The following SRSF12 variants were observed in gnomAD, a reference collection of about 807,000 sequenced individuals.
The protein encoded by SRSF12 is serine/arginine-rich splicing factor 12.
SRSF12 carries 21 observed loss-of-function variants against 34.1 expected under a neutral mutation model. The ratio of observed to expected loss-of-function variants is 0.62; its 90% confidence interval spans 0.44 to 0.89. The LOEUF is 0.89. Ranked by LOEUF, SRSF12 falls within the 40% of genes least tolerant of loss-of-function variation. The pLI, the probability that SRSF12 is intolerant of heterozygous loss-of-function variation, is 0.00. For missense variants in SRSF12, 278 were observed against 327.8 expected, an observed-to-expected ratio of 0.85 and a Z score of 1.17; for synonymous variants, 111 against 110.8, an observed-to-expected ratio of 1.00 and a Z score of -0.01.
In SRSF12 at chr6:89,098,758, C is replaced by T. The variant is rs1365650090; in HGVS notation, c.606G>A (p.Lys202=). The change falls in exon 5 of 5, where the codon AAG becomes AAA. Residue 202 remains lysine, a synonymous_variant. Coordinates refer to ENST00000452027, the MANE Select transcript of SRSF12 (RefSeq NM_080743.5). ...IGKSQSSSPQ[K]QTSSGTKSRS... ...TTGATTTTGTTCCTGAGCTAGTCTG[C>T]TTTTGAGGTGAACTTGACTGTGATT... 9.3e-6 allele frequency: 15 copies of T among 1,613,828 alleles called. No homozygotes were observed. The highest frequency in any genetic ancestry group is 1.3e-5 in the Non-Finnish European group (15 of 1,179,894).
chr6:89,105,016 C>G, intron 4 of SRSF12, 103 bp downstream of exon 4: 2 of 1,219,894 alleles, frequency 1.6e-6, no homozygotes, highest in Admixed American at 2.6e-5. Context: ...TGATCGCACA[C>G]TACTGCACTC....
intron 4 of SRSF12, among the ~76,000 whole-genome samples, chr6:89,099,412 A>ACACATATATATATATATG (rs1768407798): frequency 2.3e-5 from 2 of 87,632 alleles, no homozygotes; most frequent in South Asian, 7.5e-4. Context: ...CCATATATAT[A>ACACATATATATATATATG]TACATATATA....
In SRSF12 at chr6:89,097,615, A is replaced by C. The variant is rs904234484; in HGVS notation, c.*963T>G. ...GCAATCTGCCCGCCTCGACCTCCCA[A>C]AGTGCTGGGATTACAGGAGTGAACC... On this transcript the variant is annotated 3_prime_UTR_variant, in exon 5 of 5. Transcript: ENST00000452027. 6.6e-6 allele frequency: 1 copy of C among 152,034 alleles called. No individual in the cohort carries two copies. The highest frequency in any genetic ancestry group is 2.4e-5 in the African/African-American group (1 of 41,386). 9.4% of individuals were successfully genotyped at this position (152,034 alleles called of 1,614,324 possible).
At chr6:89,105,681 A>G (rs1768749398) in intron 2 of SRSF12, 151 bp from the exon 3 acceptor site, 2 of 515,548 alleles carry the variant, frequency 3.9e-6, no homozygotes, top group East Asian at 3.4e-5. Context: ...CAGAAAAAAA[A>G]CTTTCACTTT....
In SRSF12 at chr6:89,105,116, C is replaced by CA. The variant is rs1209353684; in HGVS notation, c.416+2dup. ...ATGAAATTTTCAGTCCTCTTATACT[C>CA]ACTCTTTAAGGCTGTCTGACCGCCT... On this transcript the variant is annotated splice_region_variant and intron_variant, in intron 4 of 4. Coordinates refer to ENST00000452027, the MANE Select transcript of SRSF12 (RefSeq NM_080743.5). 1.9e-6 allele frequency: 3 copies of CA among 1,603,950 alleles called. No homozygotes were observed. Among genetic ancestry groups the CA allele is most frequent in the Non-Finnish European group, 1.7e-6 (2 of 1,174,598 alleles).
At chr6:89,112,832 T>C (rs558340970) in intron 1 of SRSF12, among the ~76,000 whole-genome samples, 1 of 152,228 alleles carries the variant, frequency 6.6e-6, no homozygotes, top group African/African-American at 2.4e-5. Flanking sequence ...CATAATCTTA[T>C]AACAAAGCTG....
chr6:89,105,337 A>G lies in SRSF12; in HGVS notation c.275-77T>C, dbSNP rs2274819. 24,649 of 1,560,214 alleles carry G rather than the reference A, an allele frequency of 0.016. 1,806 individuals are homozygous for G. In the African/African-American group the frequency reaches 0.2, roughly 13 times the overall value. On this transcript the variant is annotated intron_variant, in intron 3 of 4. Coordinates refer to ENST00000452027, the MANE Select transcript of SRSF12 (RefSeq NM_080743.5). ...AGTAACAACCACTCAACTAGCAATCATTTACTGAAAGAATTTTAAATTAAA... is the reference window on the plus strand; with the variant it reads ...AGTAACAACCACTCAACTAGCAATCGTTTACTGAAAGAATTTTAAATTAAA...
chr6:89,113,914 A>C (rs1053699279), intron 1 of SRSF12, among the ~76,000 whole-genome samples: 3 of 152,148 alleles, frequency 2.0e-5, no homozygotes, highest in Non-Finnish European at 4.4e-5. Flanking sequence ...ATGTGCTGGG[A>C]TTACAGGCAT....
At chr6:89,103,702 C>T (rs527388194) in intron 4 of SRSF12, among the ~76,000 whole-genome samples, 73 of 151,954 alleles carry the variant, frequency 4.8e-4, no homozygotes, top group African/African-American at 1.6e-3. Context: ...TCAAGTAATC[C>T]ACCCGCCTTG....
intron 4 of SRSF12, among the ~76,000 whole-genome samples, chr6:89,100,522 T>TAAAAA (rs35086229): frequency 6.9e-6 from 1 of 144,740 alleles, no homozygotes. Context: ...CATGTTATGT[T>TAAAAA]AAAAAAAAAA....
At chr6:89,114,442 A>G (rs1582277644) in intron 1 of SRSF12, among the ~76,000 whole-genome samples, 1 of 152,166 alleles carries the variant, frequency 6.6e-6, no homozygotes, top group Non-Finnish European at 1.5e-5. Context: ...TAAAACAAAC[A>G]AACAAAAAAA....
intron 1 of SRSF12, among the ~76,000 whole-genome samples, chr6:89,113,324 C>A (rs1258384519): frequency 6.6e-6 from 1 of 152,136 alleles, no homozygotes; most frequent in South Asian, 2.1e-4. Flanking sequence ...CAGGCGAGTG[C>A]CACCACGCCC....
chr6:89,099,591 A>G (rs1768444079), intron 4 of SRSF12, among the ~76,000 whole-genome samples: 1 of 147,674 alleles, frequency 6.8e-6, no homozygotes, highest in Admixed American at 6.9e-5. Flanking sequence ...GCTAGAGTGC[A>G]ATGGCACGAT....
intron 4 of SRSF12, among the ~76,000 whole-genome samples, chr6:89,103,991 CTTTTTTTTTT>C (rs55760020): frequency 2.3e-4 from 19 of 81,962 alleles, no homozygotes; most frequent in African/African-American, 8.4e-4. Context: ...TATTATATTT[CTTTTTTTTTT>C]TTTTTTTTTT....
At chr6:89,114,854 TG>T (rs1358981267) in intron 1 of SRSF12, among the ~76,000 whole-genome samples, 2 of 152,152 alleles carry the variant, frequency 1.3e-5, no homozygotes, top group African/African-American at 2.4e-5. Flanking sequence ...TGGAGTGCAA[TG>T]GTACTATCTC....
At chr6:89,099,779 C>T (rs1768454056) in intron 4 of SRSF12, among the ~76,000 whole-genome samples, 1 of 152,056 alleles carries the variant, frequency 6.6e-6, no homozygotes, top group Admixed American at 6.6e-5. Context: ...AGGTTATCCC[C>T]CTGCCTCGGC....
chr6:89,103,331 CTTTT>C (rs554480396), intron 4 of SRSF12, among the ~76,000 whole-genome samples: 1 of 141,384 alleles, frequency 7.1e-6, no homozygotes, highest in Admixed American at 7.1e-5. Context: ...AATTTAAATT[CTTTT>C]TTTTTTTTTT....
At chr6:89,114,743 G>A (rs7775189) in intron 1 of SRSF12, among the ~76,000 whole-genome samples, 26,095 of 152,152 alleles carry the variant, frequency 0.17, 3,017 homozygotes, top group Non-Finnish European at 0.25. Context: ...CCTGCATGAC[G>A]TTTAAACATT....
chr6:89,106,917 G>C (rs1468064122), intron 2 of SRSF12: 1 of 545,898 alleles, frequency 1.8e-6, no homozygotes, highest in Non-Finnish European at 3.5e-6. Flanking sequence ...CTTGATGCTT[G>C]AACTTTAGGT....
Sources: gnomAD v4.1 joint callset for allele counts (sites outside exome capture counted in the v4.1 genomes callset) on GRCh38, gnomAD v4.1.1 for gene constraint, MANE v1.5 for transcripts, NCBI Gene and HGNC (gene_info 2026-07-23, HGNC 2026-07-21) for gene names.